The following SOX1 variants were observed in gnomAD, a reference collection of about 807,000 sequenced individuals.
The protein encoded by SOX1 is transcription factor SOX-1.
Under a neutral mutation model 0.9 loss-of-function variants are expected in SOX1, and 1 was observed. That is an observed-to-expected ratio of 1.07 (90% CI 0.38 to 5.06). The LOEUF is 5.06. Among genes scored for constraint, SOX1 ranks in the 30% most tolerant of loss-of-function variants. The pLI, the probability that SOX1 is intolerant of heterozygous loss-of-function variation, is 0.16. For missense variants in SOX1, 564 were observed against 534.4 expected (o/e 1.06, Z -0.55); for synonymous variants, 397 against 265.5 (o/e 1.50, Z -4.81).
Position 112,067,583 on chromosome 13 carries a change from C to T in SOX1, c.-76C>T. 2 of 807,630 alleles carry T rather than the reference C, an allele frequency of 2.5e-6. No homozygotes were observed. Among genetic ancestry groups the T allele is most frequent in the Non-Finnish European group, 3.2e-6 (2 of 634,632 alleles). 50.0% of individuals were successfully genotyped at this position (807,630 alleles called of 1,614,324 possible). ...CGTCTCACTCCGTCTGAATTCCTCT[C>T]CGTCTCCCTCCCACCCCGGCCGTCT... On this transcript the variant is annotated 5_prime_UTR_variant, in exon 1 of 1. Transcript: ENST00000330949. The surrounding 1 kb of genome is among the most constrained non-coding windows in gnomAD (Gnocchi z 5.1).
In SOX1 at chr13:112,070,064, CA is replaced by C. The variant is rs1347320259; in HGVS notation, c.*1232del. On this transcript the variant is annotated 3_prime_UTR_variant, in exon 1 of 1. Coordinates refer to ENST00000330949, the MANE Select transcript of SOX1 (RefSeq NM_005986.3). ...AGACCAGGGCAGGTCACGGGTTTCC[CA>C]ATTCCCCAGCAATTAAGATTTCGAG... 1 of 167,026 alleles carries C rather than the reference CA, an allele frequency of 6.0e-6. No individual in the cohort carries two copies. The highest frequency in any genetic ancestry group is 1.5e-5 in the Non-Finnish European group (1 of 68,114). The allele number at this position is 167,026 out of a possible 1,614,324, so 10.3% of individuals were successfully genotyped here. A position where few individuals can be genotyped will look rare whatever the true frequency, so the allele number is the denominator to read the frequency against.
rs1332530234 is a variant in SOX1, at chr13:112,068,134, T to C, written c.476T>C (p.Val159Ala). The C allele has an allele frequency of 1.8e-5, 20 of 1,108,024 alleles. No individual in the cohort carries two copies. The highest frequency in any genetic ancestry group is 1.3e-4 in the South Asian group (3 of 23,034). The allele number at this position is 1,108,024 out of a possible 1,614,324, so 68.6% of individuals were successfully genotyped here. ...GGAAVAMGVG[V>A]GVGAAAVGQR... ...GCGGCTGTGGCCATGGGCGTGGGCG[T>C]GGGCGTGGGCGCGGCGGCCGTGGGC... Residue 159 changes from valine to alanine, a missense_variant, in exon 1 of 1, where the codon GTG becomes GCG. By Grantham distance (64) the Val-to-Ala change is moderately conservative. Transcript: ENST00000330949. The surrounding 1 kb of genome is among the most constrained non-coding windows in gnomAD (Gnocchi z 6.9).
Position 112,068,355 on chromosome 13 carries a change from C to G in SOX1, c.697C>G (p.Pro233Ala), listed in dbSNP as rs1566475683. The G allele has an allele frequency of 1.6e-6, 2 of 1,254,884 alleles. No homozygotes were observed. Among genetic ancestry groups the G allele is most frequent in the South Asian group, 1.5e-5 (1 of 66,148 alleles). 77.7% of individuals were successfully genotyped at this position (1,254,884 alleles called of 1,614,324 possible). A position where few individuals can be genotyped will look rare whatever the true frequency, so the allele number is the denominator to read the frequency against. Reference sequence around the variant, plus strand: ...GCACGCGCACCCCGCGCACCCGCACCCGCACCACCCGCACGCGCACCCGCA... The same window carrying G: ...GCACGCGCACCCCGCGCACCCGCACGCGCACCACCCGCACGCGCACCCGCA... The part of the protein sequence containing the change: ...HPHAHPAHPH[P>A]HHPHAHPHNP... The change falls in exon 1 of 1, where the codon CCG becomes GCG. Residue 233 changes from proline (P) to alanine (A), a missense_variant. By Grantham distance (27) the Pro-to-Ala change is conservative (BLOSUM62 -1). Coordinates refer to ENST00000330949, the MANE Select transcript of SOX1 (RefSeq NM_005986.3). The surrounding 1 kb of genome is among the most constrained non-coding windows in gnomAD (Gnocchi z 6.9).
In SOX1 at chr13:112,068,548, T is replaced by TGGCGGCGGC. The variant is rs931866282; in HGVS notation, c.906_914dup (p.Ala304_Ala306dup). ...GGCGGCGCGCACCAGAACTCGGCCG[T>TGGCGGCGGC]GGCGGCGGCGGCGGCGGCGGCGGCC... On this transcript the variant is annotated inframe_insertion, in exon 1 of 1. Transcript: ENST00000330949. This position sits in a 1 kb window ranked among gnomAD's most constrained non-coding sequence, Gnocchi z 6.9. 17 of 919,684 alleles carry TGGCGGCGGC rather than the reference T, an allele frequency of 1.8e-5. No individual in the cohort carries two copies. The highest frequency in any genetic ancestry group is 5.1e-5 in the South Asian group (1 of 19,752). 57.0% of individuals were successfully genotyped at this position (919,684 alleles called of 1,614,324 possible).
rs552131875 is a variant in SOX1, at chr13:112,067,568, C to G, written c.-91C>G. 3.0e-6 allele frequency: 2 copies of G among 663,270 alleles called. No individual in the cohort carries two copies. The highest frequency in any genetic ancestry group is 3.9e-6 in the Non-Finnish European group (2 of 510,276). 41.1% of individuals were successfully genotyped at this position (663,270 alleles called of 1,614,324 possible). A position where few individuals can be genotyped will look rare whatever the true frequency, so the allele number is the denominator to read the frequency against. ...GGACCCCCCCGCCCCCGTCTCACTC[C>G]GTCTGAATTCCTCTCCGTCTCCCTC... On this transcript the variant is annotated 5_prime_UTR_variant, in exon 1 of 1. Coordinates refer to ENST00000330949, the MANE Select transcript of SOX1 (RefSeq NM_005986.3). The surrounding 1 kb of genome is among the most constrained non-coding windows in gnomAD (Gnocchi z 5.1).
In SOX1 at chr13:112,068,404, A is replaced by G. The variant is rs1298135320; in HGVS notation, c.746A>G (p.Tyr249Cys). Residue 249 changes from tyrosine (Y) to cysteine (C), a missense_variant, in exon 1 of 1, where the codon TAC becomes TGC. Coordinates refer to ENST00000330949, the MANE Select transcript of SOX1 (RefSeq NM_005986.3). This position sits in a 1 kb window ranked among gnomAD's most constrained non-coding sequence, Gnocchi z 6.9. ...CACAACCCGCAGCCCATGCACCGCT[A>G]CGACATGGGCGCGCTGCAGTACAGC... Reference protein sequence around the residue: ...HPHNPQPMHRYDMGALQYSPI... With the variant: ...HPHNPQPMHRCDMGALQYSPI... The G allele has an allele frequency of 4.6e-6, 6 of 1,299,674 alleles. No individual in the cohort carries two copies. The highest frequency in any genetic ancestry group is 6.0e-6 in the Non-Finnish European group (6 of 1,004,834). The allele number at this position is 1,299,674 out of a possible 1,614,324, so 80.5% of individuals were successfully genotyped here.
rs1875872295 is a variant in SOX1 at position 112,071,420 on chromosome 13, A to G, written c.*2586A>G. On this transcript the variant is annotated 3_prime_UTR_variant, in exon 1 of 1. Coordinates refer to ENST00000330949, the MANE Select transcript of SOX1 (RefSeq NM_005986.3). ...TTTTGTTGATTAGAACAACACAGAA[A>G]AAAGCAAATATAAATTTTTAATGAC... Among the ~76,000 whole-genome samples the G allele has an allele frequency of 1.3e-5, 2 of 152,256 alleles. No homozygotes were observed. Among genetic ancestry groups the G allele is most frequent in the Admixed American group, 1.3e-4 (2 of 15,292 alleles).
Position 112,068,670 on chromosome 13 carries a change from G to C in SOX1, c.1012G>C (p.Gly338Arg). ...AGCGCACTCGCGGGCGCCGTGCCCC[G>C]GGGACCTGCGCGAGATGATCAGCAT... The part of the protein sequence containing the change: ...APAHSRAPCP[G>R]DLREMISMYL... The change falls in exon 1 of 1, where the codon GGG becomes CGG. Residue 338 changes from glycine (G) to arginine (R), a missense_variant. Gly to Arg is a moderately radical substitution (Grantham distance 125). Coordinates refer to ENST00000330949, the MANE Select transcript of SOX1 (RefSeq NM_005986.3). This position sits in a 1 kb window ranked among gnomAD's most constrained non-coding sequence, Gnocchi z 6.9. 2 of 1,167,356 alleles carry C rather than the reference G, an allele frequency of 1.7e-6. No individual in the cohort carries two copies. Among genetic ancestry groups the C allele is most frequent in the African/African-American group, 1.6e-5 (1 of 61,832 alleles). 72.3% of individuals were successfully genotyped at this position (1,167,356 alleles called of 1,614,324 possible).
chr13:112,068,471 G>T lies in SOX1; in HGVS notation c.813G>T (p.Ser271=). 2.6e-6 allele frequency: 3 copies of T among 1,149,176 alleles called. No homozygotes were observed. The highest frequency in any genetic ancestry group is 3.2e-6 in the Non-Finnish European group (3 of 923,106). The allele number at this position is 1,149,176 out of a possible 1,614,324, so 71.2% of individuals were successfully genotyped here. A position where few individuals can be genotyped will look rare whatever the true frequency, so the allele number is the denominator to read the frequency against. The change falls in exon 1 of 1, where the codon TCG becomes TCT. Residue 271 remains serine, a synonymous_variant. Transcript: ENST00000330949. The surrounding 1 kb of genome is among the most constrained non-coding windows in gnomAD (Gnocchi z 6.9). ...AGGGCTACATGAGCGCGTCGCCCTCGGGCTACGGCGGCCTCCCCTACGGCG... is the reference window on the plus strand; with the variant it reads ...AGGGCTACATGAGCGCGTCGCCCTCTGGCTACGGCGGCCTCCCCTACGGCG... ...NSQGYMSASP[S]GYGGLPYGAA... is the part of the protein sequence containing the mutation.
Position 112,070,579 on chromosome 13 carries a change from T to TA in SOX1, c.*1746dup, listed in dbSNP as rs2138619553. On this transcript the variant is annotated 3_prime_UTR_variant, in exon 1 of 1. Transcript: ENST00000330949. ...AAAACACTTGAAGCCCAGATGGAAATACGTTTATTTCAGCAGCCTTAGGTT... is the reference window on the plus strand; with the variant it reads ...AAAACACTTGAAGCCCAGATGGAAATAACGTTTATTTCAGCAGCCTTAGGTT... 1.2e-5 allele frequency: 2 copies of TA among 167,012 alleles called. No individual in the cohort carries two copies. The highest frequency in any genetic ancestry group is 4.8e-5 in the African/African-American group (2 of 41,504). The allele number at this position is 167,012 out of a possible 1,614,324, so 10.3% of individuals were successfully genotyped here. A position where few individuals can be genotyped will look rare whatever the true frequency, so the allele number is the denominator to read the frequency against.
Position 112,067,961 on chromosome 13 carries a change from C to T in SOX1, c.303C>T (p.Ile101=), listed in dbSNP as rs896216943. ...VMSEAEKRPF[I]DEAKRLRALH... Reference sequence around the variant, plus strand: ...CCGAGGCCGAGAAGCGGCCGTTCATCGACGAGGCCAAGCGGCTGCGCGCGC... The same window carrying T: ...CCGAGGCCGAGAAGCGGCCGTTCATTGACGAGGCCAAGCGGCTGCGCGCGC... Residue 101 remains isoleucine (I), a synonymous_variant, in exon 1 of 1, where the codon ATC becomes ATT. Transcript: ENST00000330949. The surrounding 1 kb of genome is among the most constrained non-coding windows in gnomAD (Gnocchi z 5.1). 9 of 1,607,292 alleles carry T rather than the reference C, an allele frequency of 5.6e-6. No individual in the cohort carries two copies. The highest frequency in any genetic ancestry group is 2.2e-5 in the East Asian group (1 of 44,684).
chr13:112,070,406 GT>G lies in SOX1; in HGVS notation c.*1582del, dbSNP rs34561530. On this transcript the variant is annotated 3_prime_UTR_variant, in exon 1 of 1. Coordinates refer to ENST00000330949, the MANE Select transcript of SOX1 (RefSeq NM_005986.3). ...TCTAGGTGTTTATTGGTACATTGCAGTTTTTTTTTTGAAATTTAAAAATTTC... is the reference window on the plus strand; with the variant it reads ...TCTAGGTGTTTATTGGTACATTGCAGTTTTTTTTTGAAATTTAAAAATTTC... 5.0e-3 allele frequency: 806 copies of G among 162,442 alleles called. 9 individuals carry two copies. The highest frequency in any genetic ancestry group is 0.016 in the African/African-American group (647 of 40,696). 10.1% of individuals were successfully genotyped at this position (162,442 alleles called of 1,614,324 possible).
Position 112,067,766 on chromosome 13 carries a change from G to GGGCGGAGGCGGGGGC in SOX1, c.113_114insAGGCGGGGGCGGCGG (p.Gly39_Gly43dup), listed in dbSNP as rs1555329944. On this transcript the variant is annotated inframe_insertion, in exon 1 of 1. Coordinates refer to ENST00000330949, the MANE Select transcript of SOX1 (RefSeq NM_005986.3). This position sits in a 1 kb window ranked among gnomAD's most constrained non-coding sequence, Gnocchi z 5.1. ...CGGGCGGCGGCGGGGGCGGAGGCGG[G>GGGCGGAGGCGGGGGC]GGCGGCGGCGGCGGCGGGGGCGCCA... 5 of 1,273,626 alleles carry GGGCGGAGGCGGGGGC rather than the reference G, an allele frequency of 3.9e-6. No individual in the cohort carries two copies. The highest frequency in any genetic ancestry group is 7.5e-5 in the Admixed American group (2 of 26,542). The allele number at this position is 1,273,626 out of a possible 1,614,324, so 78.9% of individuals were successfully genotyped here.
rs1482034452 is a variant in SOX1, at chr13:112,070,980, C to T, written c.*2146C>T. On this transcript the variant is annotated 3_prime_UTR_variant, in exon 1 of 1. Coordinates refer to ENST00000330949, the MANE Select transcript of SOX1 (RefSeq NM_005986.3). ...GGCTGAGCACCACTACGACTTAGTC[C>T]GGGATAAGGGCCTCCCCAGTCCTCT... Among the ~76,000 whole-genome samples the T allele has an allele frequency of 6.6e-6, 1 of 152,072 alleles. No individual in the cohort carries two copies. Among genetic ancestry groups the T allele is most frequent in the East Asian group, 1.9e-4 (1 of 5,192 alleles).
Position 112,070,968 on chromosome 13 carries a change from T to C in SOX1, c.*2134T>C, listed in dbSNP as rs145935931. 1.0e-3 allele frequency among the ~76,000 whole-genome samples: 155 copies of C among 151,852 alleles called. 1 individual carries two copies. Among genetic ancestry groups the C allele is most frequent in the Middle Eastern group, 3.4e-3 (1 of 294 alleles). ...GCGCCCATGGATGGCTGAGCACCAC[T>C]ACGACTTAGTCCGGGATAAGGGCCT... On this transcript the variant is annotated 3_prime_UTR_variant, in exon 1 of 1. Coordinates refer to ENST00000330949, the MANE Select transcript of SOX1 (RefSeq NM_005986.3).
chr13:112,068,416 C>G lies in SOX1; in HGVS notation c.758C>G (p.Ala253Gly), dbSNP rs1305155408. ...PQPMHRYDMG[A>G]LQYSPISNSQ... ...CCCATGCACCGCTACGACATGGGCG[C>G]GCTGCAGTACAGCCCCATCTCCAAC... The change falls in exon 1 of 1, where the codon GCG (alanine) becomes GGG (glycine). Residue 253 changes from alanine (A) to glycine (G), a missense_variant. By Grantham distance (60) the Ala-to-Gly change is moderately conservative. Coordinates refer to ENST00000330949, the MANE Select transcript of SOX1 (RefSeq NM_005986.3). This position sits in a 1 kb window ranked among gnomAD's most constrained non-coding sequence, Gnocchi z 6.9. 44 of 1,295,518 alleles carry G rather than the reference C, an allele frequency of 3.4e-5. No individual in the cohort carries two copies. Among genetic ancestry groups the G allele is most frequent in the Non-Finnish European group, 4.2e-5 (42 of 1,002,086 alleles). The allele number at this position is 1,295,518 out of a possible 1,614,324, so 80.3% of individuals were successfully genotyped here.
Position 112,067,195 on chromosome 13 carries a change from G to T in SOX1, c.-464G>T, listed in dbSNP as rs1422475724. Among the ~76,000 whole-genome samples the T allele has an allele frequency of 6.6e-6, 1 of 151,484 alleles. No individual in the cohort carries two copies. The highest frequency in any genetic ancestry group is 2.4e-5 in the African/African-American group (1 of 41,198). On this transcript the variant is annotated 5_prime_UTR_variant, in exon 1 of 1. Transcript: ENST00000330949. The surrounding 1 kb of genome is among the most constrained non-coding windows in gnomAD (Gnocchi z 5.1). The stretch of plus-strand genomic sequence containing the variant: ...GCGCGCCGCCCTGCTAGAAGTTGCA[G>T]CCTCCGAGTTGGAGGCCGCTGAGGA...
Position 112,067,294 on chromosome 13 carries a change from C to T in SOX1, c.-365C>T, listed in dbSNP as rs1165039235. Among the ~76,000 whole-genome samples the T allele has an allele frequency of 1.3e-5, 2 of 152,128 alleles. No homozygotes were observed. The highest frequency in any genetic ancestry group is 2.4e-5 in the African/African-American group (1 of 41,454). On this transcript the variant is annotated 5_prime_UTR_variant, in exon 1 of 1. Transcript: ENST00000330949. The surrounding 1 kb of genome is among the most constrained non-coding windows in gnomAD (Gnocchi z 5.1). Reference sequence around the variant, plus strand: ...ACAGCACACCCCGGGCCGGGCCCAGCGCACCGCTCCCGGCCCCAAAAGCGG... The same window carrying T: ...ACAGCACACCCCGGGCCGGGCCCAGTGCACCGCTCCCGGCCCCAAAAGCGG...
chr13:112,068,506 C>T lies in SOX1; in HGVS notation c.848C>T (p.Ala283Val). 1 of 1,003,788 alleles carries T rather than the reference C, an allele frequency of 1.0e-6. No homozygotes were observed. 62.2% of individuals were successfully genotyped at this position (1,003,788 alleles called of 1,614,324 possible). A position where few individuals can be genotyped will look rare whatever the true frequency, so the allele number is the denominator to read the frequency against. Residue 283 changes from alanine to valine, a missense_variant, in exon 1 of 1, where the codon GCC (alanine) becomes GTC (valine). Physicochemically the swap from Ala to Val is moderately conservative, Grantham distance 64 (BLOSUM62 0). Coordinates refer to ENST00000330949, the MANE Select transcript of SOX1 (RefSeq NM_005986.3). The surrounding 1 kb of genome is among the most constrained non-coding windows in gnomAD (Gnocchi z 6.9). The part of the protein sequence containing the change: ...YGGLPYGAAA[A>V]AAAAAGGAHQ... Reference sequence around the variant, plus strand: ...GGCCTCCCCTACGGCGCCGCGGCCGCCGCCGCCGCCGCTGCGGGCGGCGCG... The same window carrying T: ...GGCCTCCCCTACGGCGCCGCGGCCGTCGCCGCCGCCGCTGCGGGCGGCGCG...
Sources: gnomAD v4.1 joint callset for allele counts (sites outside exome capture counted in the v4.1 genomes callset) on GRCh38, gnomAD v4.1.1 for gene constraint, Gnocchi (gnomAD v3.1) non-coding constraint, MANE v1.5 for transcripts, NCBI Gene and HGNC (gene_info 2026-07-23, HGNC 2026-07-21) for gene names.